TBL1XR1: variants seen among roughly 807,000 people sequenced by gnomAD.
TBL1XR1 encodes TBL1X/Y related 1, also known as F-box-like/WD repeat-containing protein TBL1XR1.
In TBL1XR1, 5 loss-of-function variants were observed where a neutral mutation model predicts 66.9. That is an observed-to-expected ratio of 0.07 (90% confidence interval 0.04 to 0.16). The LOEUF (loss-of-function observed/expected upper bound fraction) is 0.16, where lower values mean the gene tolerates loss of function less well. Ranked by LOEUF, TBL1XR1 falls within the 10% of genes least tolerant of loss-of-function variation. TBL1XR1 has a pLI of 1.00. For synonymous variants in TBL1XR1, 210 were observed against 206.0 expected (o/e 1.02, Z -0.17); for missense variants, 238 against 623.2 (o/e 0.38, Z 6.58).
chr3:177,137,740 C>G (rs538252174), intron 1 of TBL1XR1, among the ~76,000 whole-genome samples: 1 of 152,154 alleles, frequency 6.6e-6, no homozygotes, highest in East Asian at 1.9e-4. Flanking sequence ...GAGGCTGAGA[C>G]AGGTGGACTA....
chr3:177,181,467 C>A lies in TBL1XR1; in HGVS notation c.-122+15654G>T, dbSNP rs555159639. On this transcript the variant is annotated intron_variant, in intron 1 of 15. Coordinates refer to ENST00000457928, the MANE Select transcript of TBL1XR1 (RefSeq NM_024665.7). ...CACACTCCAGCCTGAGTGACAGAGC[C>A]AGACTCCGTCTTAAAAAAAAAAAAA... is the stretch of plus-strand genomic sequence containing the variant. 5.9e-3 allele frequency among the ~76,000 whole-genome samples: 797 copies of A among 134,168 alleles called. 4 individuals carry two copies. Among genetic ancestry groups the A allele is most frequent in the Non-Finnish European group, 0.01 (637 of 63,262 alleles). 88.0% of individuals were successfully genotyped at this position (134,168 alleles called of 152,430 possible).
chr3:177,201,493 A>G (rs182070400), upstream of TBL1XR1, among the ~76,000 whole-genome samples: 1 of 151,880 alleles, frequency 6.6e-6, no homozygotes, highest in African/African-American at 2.4e-5. Context: ...GTGGCATGGC[A>G]AGATAGCCTA....
chr3:177,121,630 G>C (rs187603110), intron 1 of TBL1XR1, among the ~76,000 whole-genome samples: 2 of 152,206 alleles, frequency 1.3e-5, no homozygotes, highest in East Asian at 3.9e-4. Context: ...GTCTTATCTG[G>C]TAATTAACAT....
At chr3:177,181,015 G>A (rs1033582117) in intron 1 of TBL1XR1, among the ~76,000 whole-genome samples, 2 of 152,010 alleles carry the variant, frequency 1.3e-5, no homozygotes, top group East Asian at 1.9e-4. Flanking sequence ...GATTAGAGGC[G>A]TGACCCATGG....
At chr3:177,055,292 GA>G (rs1717652867) in intron 3 of TBL1XR1, among the ~76,000 whole-genome samples, 1 of 151,966 alleles carries the variant, frequency 6.6e-6, no homozygotes. Context: ...ATGTGGCTAG[GA>G]AAATTTGGTT....
chr3:177,064,821 G>A, intron 3 of TBL1XR1, 99 bp downstream of exon 3: 1 of 814,744 alleles, frequency 1.2e-6, no homozygotes, highest in Non-Finnish European at 1.9e-6. Flanking sequence ...AACATACAAA[G>A]TTCAACGGTT....
In TBL1XR1 at chr3:177,034,302, A is replaced by G; in HGVS notation, c.1146T>C (p.Asn382=). Residue 382 remains asparagine (N), a synonymous_variant, in exon 13 of 16, where the codon AAT becomes AAC. Coordinates refer to ENST00000457928, the MANE Select transcript of TBL1XR1 (RefSeq NM_024665.7). ...TATGTGCTTGCAAATCATGGACACA[A>G]TTGTCTTGTTTCATACTCCATATCT... The part of the protein sequence containing the change: ...TLKIWSMKQD[N]CVHDLQAHNK... 6.3e-7 allele frequency: 1 copy of G among 1,590,838 alleles called. No individual in the cohort carries two copies. Among genetic ancestry groups the G allele is most frequent in the Non-Finnish European group, 8.5e-7 (1 of 1,173,596 alleles).
intron 2 of TBL1XR1, among the ~76,000 whole-genome samples, chr3:177,093,045 T>C (rs1421490056): frequency 6.6e-6 from 1 of 152,154 alleles, no homozygotes; most frequent in Non-Finnish European, 1.5e-5. Flanking sequence ...GCTGATAATA[T>C]AATTGTATAC....
chr3:177,082,736 G>C (rs1274941268), intron 2 of TBL1XR1, among the ~76,000 whole-genome samples: 1 of 12,760 alleles, frequency 7.8e-5, no homozygotes, highest in Non-Finnish European at 1.5e-4. Context: ...CTAAGATAGA[G>C]ATTATATATA....
rs1712202940 is a variant in TBL1XR1, at chr3:177,020,422, A to T, written c.*5076T>A. On this transcript the variant is annotated 3_prime_UTR_variant, in exon 16 of 16. Coordinates refer to ENST00000457928, the MANE Select transcript of TBL1XR1 (RefSeq NM_024665.7). ...TTAAAAAAATCTTATCTCCTGCAAG[A>T]AGTAATAAAAATAGTAAAATTTGTA... The T allele has an allele frequency of 6.6e-6, 1 of 152,190 alleles. No individual in the cohort carries two copies. The highest frequency in any genetic ancestry group is 1.5e-5 in the Non-Finnish European group (1 of 68,006). 9.4% of individuals were successfully genotyped at this position (152,190 alleles called of 1,614,324 possible).
At chr3:177,112,857 G>T (rs1427128884) in intron 1 of TBL1XR1, among the ~76,000 whole-genome samples, 3 of 152,002 alleles carry the variant, frequency 2.0e-5, no homozygotes, top group African/African-American at 7.3e-5. Context: ...ACAAAAATTA[G>T]TCGGGCGTGG....
At chr3:177,086,391 G>C (rs1722118559) in intron 2 of TBL1XR1, among the ~76,000 whole-genome samples, 2 of 151,606 alleles carry the variant, frequency 1.3e-5, no homozygotes, top group Admixed American at 1.3e-4. Flanking sequence ...ACCATACTGG[G>C]TAAGTCTAAA....
At chr3:177,178,034 T>C (rs1047933086) in intron 1 of TBL1XR1, among the ~76,000 whole-genome samples, 1 of 152,120 alleles carries the variant, frequency 6.6e-6, no homozygotes, top group Non-Finnish European at 1.5e-5. Flanking sequence ...CATAAAAGAA[T>C]CAGCTATATA....
chr3:177,150,421 G>C (rs1163736719), intron 1 of TBL1XR1, among the ~76,000 whole-genome samples: 1 of 152,142 alleles, frequency 6.6e-6, no homozygotes, highest in Non-Finnish European at 1.5e-5. Context: ...CAAGCAGGAT[G>C]GATGCCTTCA....
chr3:177,162,753 A>T (rs1392242347), intron 1 of TBL1XR1, among the ~76,000 whole-genome samples: 1 of 152,258 alleles, frequency 6.6e-6, no homozygotes, highest in Non-Finnish European at 1.5e-5. Context: ...ACAATAAAAA[A>T]TGGAAGTGCC....
chr3:177,055,924 C>G (rs1023937571), intron 3 of TBL1XR1, among the ~76,000 whole-genome samples: 1 of 152,184 alleles, frequency 6.6e-6, no homozygotes, highest in Non-Finnish European at 1.5e-5. Flanking sequence ...ATTTTATAAT[C>G]TAATGGAAAA....
chr3:177,019,997 AAAG>A lies in TBL1XR1; in HGVS notation c.*5498_*5500del, dbSNP rs1169425592. The stretch of plus-strand genomic sequence containing the variant: ...GAGTGTAAATTCTTAAAAAAAAAAA[AAAG>A]AAAATATGCTCAATGATTCTTTTTA... On this transcript the variant is annotated 3_prime_UTR_variant, in exon 16 of 16. Coordinates refer to ENST00000457928, the MANE Select transcript of TBL1XR1 (RefSeq NM_024665.7). The A allele has an allele frequency of 1.3e-5, 2 of 151,754 alleles. No individual in the cohort carries two copies. Among genetic ancestry groups the A allele is most frequent in the Admixed American group, 6.6e-5 (1 of 15,232 alleles). The allele number at this position is 151,754 out of a possible 1,614,324, so 9.4% of individuals were successfully genotyped here.
At chr3:177,090,700 G>C (rs926736103) in intron 2 of TBL1XR1, among the ~76,000 whole-genome samples, 3 of 151,870 alleles carry the variant, frequency 2.0e-5, no homozygotes, top group Non-Finnish European at 4.4e-5. Flanking sequence ...AGTTCCAGTT[G>C]CCCAGGAGGC....
At chr3:177,101,139 G>A (rs1724155906) in intron 1 of TBL1XR1, among the ~76,000 whole-genome samples, 1 of 151,488 alleles carries the variant, frequency 6.6e-6, no homozygotes, top group South Asian at 2.1e-4. Flanking sequence ...TTACAGGCGT[G>A]AGCCACCATG....
Sources: gnomAD v4.1 joint callset for allele counts (sites outside exome capture counted in the v4.1 genomes callset) on GRCh38, gnomAD v4.1.1 for gene constraint, MANE v1.5 for transcripts, NCBI Gene and HGNC (gene_info 2026-07-23, HGNC 2026-07-21) for gene names.